DGKG: variants seen among roughly 807,000 people sequenced by gnomAD.
DGKG encodes diacylglycerol kinase gamma.
DGKG carries 78 observed loss-of-function variants against 105.3 expected under a neutral mutation model. The ratio of observed to expected loss-of-function variants is 0.74; its 90% CI spans 0.62 to 0.89. The LOEUF is 0.89. Ranked by LOEUF, DGKG falls within the 40% of genes least tolerant of loss-of-function variation. The probability of loss-of-function intolerance (pLI) is 0.00; values close to 1 mark genes in which losing one functional copy is unlikely to be tolerated. For missense variants in DGKG, 958 were observed against 1,020.1 expected (o/e 0.94, Z 0.83); for synonymous variants, 346 against 367.1 (o/e 0.94, Z 0.66).
chr3:186,195,336 T>G (rs1312831038), intron 21 of DGKG, among the ~76,000 whole-genome samples: 3 of 152,192 alleles, frequency 2.0e-5, no homozygotes, highest in Non-Finnish European at 4.4e-5. Context: ...TTAATACTAT[T>G]GTTACTCTTT....
chr3:186,359,054 T>C (rs1177640513), intron 1 of DGKG, among the ~76,000 whole-genome samples: 1 of 152,184 alleles, frequency 6.6e-6, no homozygotes, highest in African/African-American at 2.4e-5. Context: ...CAAGGTGATA[T>C]GTGTGATTCC....
At chr3:186,268,068 C>T (rs1355307671) in intron 12 of DGKG, among the ~76,000 whole-genome samples, 1 of 152,148 alleles carries the variant, frequency 6.6e-6, no homozygotes, top group East Asian at 1.9e-4. Flanking sequence ...CATGTTGATT[C>T]CAGAGCCCCC....
intron 20 of DGKG, among the ~76,000 whole-genome samples, chr3:186,214,365 A>G (rs944585147): frequency 1.3e-5 from 2 of 152,236 alleles, no homozygotes; most frequent in African/African-American, 2.4e-5. Context: ...AGCACTTCAC[A>G]TAGGATTGCT....
intron 5 of DGKG, among the ~76,000 whole-genome samples, chr3:186,291,959 C>A (rs1339736891): frequency 2.6e-5 from 4 of 152,184 alleles, no homozygotes; most frequent in African/African-American, 7.2e-5. Flanking sequence ...CTGCTCACTC[C>A]TGTCATAGAG....
At chr3:186,353,604 TACAC>T (rs1726747619) in intron 1 of DGKG, among the ~76,000 whole-genome samples, 3 of 144,458 alleles carry the variant, frequency 2.1e-5, no homozygotes, top group African/African-American at 7.7e-5. Flanking sequence ...CACACACACA[TACAC>T]ATATATATAG....
At chr3:186,257,653 T>C in intron 17 of DGKG, 1 of 521,680 alleles carries the variant, frequency 1.9e-6, no homozygotes, top group Non-Finnish European at 3.5e-6. Flanking sequence ...ACCTCCGTAT[T>C]GGAGGGAATC....
chr3:186,333,398 AT>A (rs1411257972), intron 1 of DGKG, among the ~76,000 whole-genome samples: 2 of 152,170 alleles, frequency 1.3e-5, no homozygotes, highest in African/African-American at 4.8e-5. Context: ...AAGCAGACAG[AT>A]TTTGGGTCTG....
chr3:186,219,389 G>C (rs775262442), intron 20 of DGKG, among the ~76,000 whole-genome samples: 28 of 152,208 alleles, frequency 1.8e-4, no homozygotes, highest in Non-Finnish European at 2.6e-4. Context: ...TGATCCTCAG[G>C]CACCGAGCTG....
In DGKG at chr3:186,280,702, A is replaced by G. The variant is rs775655755; in HGVS notation, c.637T>C (p.Tyr213His). The part of the protein sequence containing the change: ...IVNQMLHIAQ[Y>H]LEWDPTELRP... ...AGCTCTGTGGGATCCCACTCCAGGT[A>G]CTGGGCAATATGCAGCATTTGGTTG... Residue 213 changes from tyrosine (Y) to histidine (H), a missense_variant, in exon 8 of 25, where the codon TAC (tyrosine) becomes CAC (histidine). Physicochemically the swap from Tyr to His is moderately conservative, Grantham distance 83. This residue lies in a region of DGKG where 643 missense variants were observed against 619.5 expected (regional missense o/e 1.04). Transcript: ENST00000265022. The G allele has an allele frequency of 6.2e-7, 1 of 1,614,134 alleles. No individual in the cohort carries two copies. The highest frequency in any genetic ancestry group is 1.7e-5 in the Admixed American group (1 of 60,010).
intron 20 of DGKG, among the ~76,000 whole-genome samples, chr3:186,221,905 C>A (rs369629068): frequency 2.0e-4 from 31 of 152,328 alleles, no homozygotes; most frequent in Middle Eastern, 3.4e-3. Context: ...TGAGCTCTGC[C>A]GGCCCCCAGC....
At chr3:186,326,236 A>G (rs986476620) in intron 1 of DGKG, among the ~76,000 whole-genome samples, 7 of 152,162 alleles carry the variant, frequency 4.6e-5, no homozygotes, top group Admixed American at 6.5e-5. Flanking sequence ...TATTAAAAAT[A>G]CAAAAATTAG....
At chr3:186,278,482 C>A (rs1254464118) in intron 9 of DGKG, among the ~76,000 whole-genome samples, 1 of 152,010 alleles carries the variant, frequency 6.6e-6, no homozygotes, top group Admixed American at 6.6e-5. Context: ...CGGTGGATGT[C>A]CTTGGGCAAG....
chr3:186,279,754 A>G, intron 9 of DGKG, 97 bp downstream of exon 9: 1 of 1,442,034 alleles, frequency 6.9e-7, no homozygotes, highest in Non-Finnish European at 9.4e-7. Context: ...TCTGTTGGGC[A>G]GTCTGGAGCA....
At chr3:186,292,497 A>G (rs1440251368) in intron 5 of DGKG, among the ~76,000 whole-genome samples, 7 of 152,234 alleles carry the variant, frequency 4.6e-5, no homozygotes, top group African/African-American at 1.7e-4. Flanking sequence ...AGTGAAGAAC[A>G]AAACTGGGTC....
chr3:186,262,386 C>A (rs1385880875), intron 14 of DGKG, among the ~76,000 whole-genome samples: 1 of 152,172 alleles, frequency 6.6e-6, no homozygotes, highest in Non-Finnish European at 1.5e-5. Context: ...ATCCATCCAT[C>A]CAAGGAAGGT....
intron 1 of DGKG, among the ~76,000 whole-genome samples, chr3:186,332,989 A>G (rs1203362602): frequency 2.6e-5 from 4 of 152,144 alleles, no homozygotes; most frequent in Non-Finnish European, 4.4e-5. Context: ...TAGAATCACC[A>G]CCAGTAAGAA....
intron 2 of DGKG, among the ~76,000 whole-genome samples, chr3:186,319,091 A>G (rs1724956450): frequency 1.3e-5 from 2 of 152,178 alleles, no homozygotes; most frequent in Admixed American, 1.3e-4. Flanking sequence ...GCTGAATTAA[A>G]TTGAATTTAC....
intron 22 of DGKG, among the ~76,000 whole-genome samples, chr3:186,184,093 C>G (rs1038574712): frequency 6.6e-6 from 1 of 150,468 alleles, no homozygotes; most frequent in African/African-American, 2.5e-5. Context: ...TTCTCCAACA[C>G]AAAATAGAAT....
chr3:186,268,512 T>C (rs1462643967), intron 12 of DGKG, among the ~76,000 whole-genome samples: 7 of 152,178 alleles, frequency 4.6e-5, no homozygotes, highest in Non-Finnish European at 4.4e-5. Context: ...AAGAAGTTCA[T>C]AGTCGGGGCT....
Sources: allele counts gnomAD v4.1 joint callset (sites outside exome capture counted in the v4.1 genomes callset), GRCh38; gene constraint gnomAD v4.1.1; regional missense constraint gnomAD v4.1.1; transcripts MANE v1.5; gene names NCBI Gene and HGNC (gene_info 2026-07-23, HGNC 2026-07-21).